SNX6: variants seen among roughly 807,000 people sequenced by gnomAD.
The protein encoded by SNX6 is sorting nexin-6.
SNX6 carries 34 observed loss-of-function variants against 63.0 expected under a neutral mutation model. That is an observed-to-expected ratio of 0.54 (90% CI 0.41 to 0.72). The LOEUF is 0.72. SNX6 is among the 30% of genes least tolerant of loss of function. SNX6 has a pLI of 0.00. For synonymous variants in SNX6, 170 were observed against 164.2 expected, an observed-to-expected ratio of 1.04 and a Z score of -0.27; for missense variants, 398 against 471.4, an observed-to-expected ratio of 0.84 and a Z score of 1.44.
chr14:34,622,346 C>T (rs1156391974), intron 2 of SNX6, among the ~76,000 whole-genome samples: 1 of 150,740 alleles, frequency 6.6e-6, no homozygotes, highest in African/African-American at 2.4e-5. Flanking sequence ...TTTGGGAGGC[C>T]GAGGTGGGTG....
At chr14:34,565,171 G>A (rs1171172781) in intron 13 of SNX6, among the ~76,000 whole-genome samples, 8 of 150,126 alleles carry the variant, frequency 5.3e-5, no homozygotes, top group African/African-American at 9.8e-5. Flanking sequence ...TCTGTCTCCC[G>A]GGTTCACGCC....
intron 2 of SNX6, among the ~76,000 whole-genome samples, chr14:34,622,034 C>T (rs1416548226): frequency 7.1e-6 from 1 of 141,286 alleles, no homozygotes; most frequent in Admixed American, 7.5e-5. Flanking sequence ...TCTTGGCTCA[C>T]TGCTACCTCT....
At chr14:34,600,495 C>T (rs1424620982) in intron 6 of SNX6, among the ~76,000 whole-genome samples, 1 of 150,688 alleles carries the variant, frequency 6.6e-6, no homozygotes, top group South Asian at 2.1e-4. Context: ...CCAGGCTGGT[C>T]TCGAACTCCT....
At position 34,582,542 on chromosome 14, in the gene SNX6, C is replaced by T. The variant is rs150683585; in HGVS notation, c.795-942G>A. 1.3e-3 allele frequency among the ~76,000 whole-genome samples: 192 copies of T among 151,936 alleles called. 4 individuals are homozygous for T. The East Asian group carries it at 0.033, about 26-fold the overall frequency. ...ATGACAGCCTAAGCCATACATTAAA[C>T]GTGTTTTTGTTGTTGTTGTTGTTAT... On this transcript the variant is annotated intron_variant, in intron 9 of 13. Transcript: ENST00000362031.
Position 34,567,922 on chromosome 14 carries a change from A to G in SNX6, c.1013T>C (p.Leu338Pro). The change falls in exon 12 of 14, where the codon CTA becomes CCA. Residue 338 changes from leucine (L) to proline (P), a missense_variant. Physicochemically the swap from Leu to Pro is moderately conservative, Grantham distance 98. Transcript: ENST00000362031. ...DKARAKNKDVLQAETSQQLCC... is the reference protein window; with the variant it reads ...DKARAKNKDVPQAETSQQLCC... ...TAATTGTTGGGAAGTTTCGGCCTGTAGAACATCTTTATTTTTTGCTCTTGC... is the reference window on the plus strand; with the variant it reads ...TAATTGTTGGGAAGTTTCGGCCTGTGGAACATCTTTATTTTTTGCTCTTGC... 1 of 1,613,778 alleles carries G rather than the reference A, an allele frequency of 6.2e-7. No individual in the cohort carries two copies. Among genetic ancestry groups the G allele is most frequent in the Non-Finnish European group, 8.5e-7 (1 of 1,180,038 alleles).
intron 11 of SNX6, among the ~76,000 whole-genome samples, chr14:34,570,779 A>G (rs1458273845): frequency 7.4e-6 from 1 of 134,440 alleles, no homozygotes; most frequent in African/African-American, 2.9e-5. Context: ...GCTGGAGTGC[A>G]GTGGTGCAAT....
intron 3 of SNX6, among the ~76,000 whole-genome samples, chr14:34,608,796 G>C (rs556943668): frequency 2.6e-5 from 4 of 150,990 alleles, no homozygotes; most frequent in Non-Finnish European, 5.9e-5. Flanking sequence ...GGAAGGCCGA[G>C]GTGGGTTGGA....
At chr14:34,590,161 G>T (rs58203775) in intron 8 of SNX6, among the ~76,000 whole-genome samples, 20,168 of 151,940 alleles carry the variant, frequency 0.13, 3,514 homozygotes, top group African/African-American at 0.41. Flanking sequence ...AGGAGCAGTG[G>T]CTCATGCCTG....
chr14:34,582,972 G>T (rs999139747), intron 9 of SNX6, among the ~76,000 whole-genome samples: 1 of 151,852 alleles, frequency 6.6e-6, no homozygotes, highest in South Asian at 2.1e-4. Flanking sequence ...AAAATTAGTG[G>T]GGCACGATGG....
rs544953511 is a variant in SNX6 at position 34,571,478 on chromosome 14, A to G, written c.922-3465T>C. Among the ~76,000 whole-genome samples, 19 of 152,282 alleles carry G rather than the reference A, an allele frequency of 1.2e-4. No homozygotes were observed. In the East Asian group the frequency reaches 3.7e-3, roughly 29 times the overall value. On this transcript the variant is annotated intron_variant, in intron 11 of 13. Coordinates refer to ENST00000362031, the MANE Select transcript of SNX6 (RefSeq NM_152233.4). The stretch of plus-strand genomic sequence containing the variant: ...AACGGAAAGACACAGAAGAAACTTA[A>G]GCGCATGTAACTAAATGCAAGAAGC...
chr14:34,621,240 T>A (rs981694387), intron 2 of SNX6, among the ~76,000 whole-genome samples: 1 of 152,088 alleles, frequency 6.6e-6, no homozygotes, highest in African/African-American at 2.4e-5. Flanking sequence ...AGCCACTGCG[T>A]CAGCTTCTCT....
Position 34,563,171 on chromosome 14 carries a change from T to C in SNX6, c.1172A>G (p.Asn391Ser). The C allele has an allele frequency of 6.2e-7, 1 of 1,613,282 alleles. No individual in the cohort carries two copies. The highest frequency in any genetic ancestry group is 1.1e-5 in the South Asian group (1 of 90,874). ...AELELKHAKG[N>S]LQLLQNCLAV... ...CAGGCAGTTCTGCAGCAACTGTAGA[T>C]TACCCTAAAAAAGGAAGAAAAAATA... Residue 391 changes from asparagine (N) to serine (S), a missense_variant, in exon 14 of 14, where the codon AAT becomes AGT. Physicochemically the swap from Asn to Ser is conservative, Grantham distance 46 (BLOSUM62 1). Coordinates refer to ENST00000362031, the MANE Select transcript of SNX6 (RefSeq NM_152233.4).
intron 2 of SNX6, among the ~76,000 whole-genome samples, chr14:34,626,503 A>T (rs1166944602): frequency 6.6e-6 from 1 of 151,782 alleles, no homozygotes; most frequent in African/African-American, 2.4e-5. Flanking sequence ...AAAAAAAAAA[A>T]AATGCAAAAA....
At chr14:34,583,320 C>T (rs1424989098) in intron 9 of SNX6, among the ~76,000 whole-genome samples, 1 of 151,210 alleles carries the variant, frequency 6.6e-6, no homozygotes, top group Non-Finnish European at 1.5e-5. Flanking sequence ...AGAACAACTA[C>T]AAAAAAAATA....
intron 2 of SNX6, among the ~76,000 whole-genome samples, chr14:34,616,462 T>G (rs1002311010): frequency 2.6e-5 from 4 of 152,110 alleles, no homozygotes; most frequent in Non-Finnish European, 4.4e-5. Context: ...CTTGAACTCC[T>G]GGGATCAAGC....
At chr14:34,563,622 T>C (rs542338083) in intron 13 of SNX6, among the ~76,000 whole-genome samples, 26 of 152,152 alleles carry the variant, frequency 1.7e-4, no homozygotes, top group African/African-American at 5.8e-4. Flanking sequence ...ATCGATATAT[T>C]AGAAATTTTA....
At chr14:34,565,646 A>T in intron 13 of SNX6, among the ~76,000 whole-genome samples, 1 of 149,344 alleles carries the variant, frequency 6.7e-6, no homozygotes, top group East Asian at 2.0e-4. Context: ...CCTCCGGAGA[A>T]GCTGGGATTA....
chr14:34,626,483 C>A (rs1291698429), intron 2 of SNX6, among the ~76,000 whole-genome samples: 1 of 150,370 alleles, frequency 6.7e-6, no homozygotes, highest in Non-Finnish European at 1.5e-5. Context: ...TGAAACCCCG[C>A]CTCTACTAAA....
At chr14:34,598,243 G>A (rs1882675231) in intron 6 of SNX6, among the ~76,000 whole-genome samples, 1 of 152,166 alleles carries the variant, frequency 6.6e-6, no homozygotes, top group South Asian at 2.1e-4. Flanking sequence ...CCTAGCACTT[G>A]CTGTATCAGG....
Sources: allele counts gnomAD v4.1 joint callset (sites outside exome capture counted in the v4.1 genomes callset), GRCh38; gene constraint gnomAD v4.1.1; transcripts MANE v1.5; gene names NCBI Gene and HGNC (gene_info 2026-07-23, HGNC 2026-07-21).